ZNF385D: variants seen among roughly 807,000 people sequenced by gnomAD.
The protein encoded by ZNF385D is zinc finger protein 659.
ZNF385D carries 15 observed loss-of-function variants against 35.8 expected under a neutral mutation model. The ratio of observed to expected loss-of-function variants is 0.42; its 90% CI spans 0.28 to 0.64. The LOEUF is 0.64. Among genes scored for constraint, ZNF385D ranks in the 30% least tolerant of loss-of-function variants. The pLI is 0.23. For synonymous variants in ZNF385D, 212 were observed against 186.8 expected, an observed-to-expected ratio of 1.13 and a Z score of -1.10; for missense variants, 474 against 494.6, an observed-to-expected ratio of 0.96 and a Z score of 0.39.
chr3:22,342,515 C>T (rs960665905), intron 2 of ZNF385D, among the ~76,000 whole-genome samples: 3 of 151,974 alleles, frequency 2.0e-5, no homozygotes, highest in Admixed American at 6.6e-5. Flanking sequence ...TATTTAGAAA[C>T]TCATATATAT....
In ZNF385D at chr3:22,118,477, AGGTTGTAG is replaced by A. The variant is rs1702921144; in HGVS notation, c.325+50332_325+50339del. ...ACATGGTTGCTGCATATAGTTTTAC[AGGTTGTAG>A]ACTGTACATCTCCAAAGGGTGTTGC... On this transcript the variant is annotated intron_variant, in intron 3 of 5. Transcript: ENST00000494108. Among the ~76,000 whole-genome samples, 7 of 152,250 alleles carry A rather than the reference AGGTTGTAG, an allele frequency of 4.6e-5. No homozygotes were observed. In the South Asian group the frequency reaches 1.4e-3, roughly 32 times the overall value.
chr3:21,742,946 A>G (rs1281643734), intron 1 of ZNF385D, among the ~76,000 whole-genome samples: 1 of 152,248 alleles, frequency 6.6e-6, no homozygotes, highest in Non-Finnish European at 1.5e-5. Context: ...GAAATAAAGA[A>G]TTAAGCTTAA....
At chr3:21,610,062 C>A (rs62237372) in intron 2 of ZNF385D, among the ~76,000 whole-genome samples, 15,491 of 151,852 alleles carry the variant, frequency 0.1, 1,121 homozygotes, top group East Asian at 0.18. Context: ...GCTGTTATTA[C>A]TTTCTTTAAA....
chr3:22,229,480 T>A (rs1698755010), intron 2 of ZNF385D, among the ~76,000 whole-genome samples: 1 of 152,200 alleles, frequency 6.6e-6, no homozygotes, highest in South Asian at 2.1e-4. Flanking sequence ...TGTTGGCTGT[T>A]TTCCAGATGC....
chr3:22,296,127 T>C (rs1429508420), intron 2 of ZNF385D, among the ~76,000 whole-genome samples: 2 of 152,172 alleles, frequency 1.3e-5, no homozygotes, highest in Admixed American at 6.6e-5. Flanking sequence ...TTTTAGATTA[T>C]TTCATTATGA....
chr3:22,310,321 G>C (rs1434881815), intron 2 of ZNF385D, among the ~76,000 whole-genome samples: 1 of 151,902 alleles, frequency 6.6e-6, no homozygotes, highest in African/African-American at 2.4e-5. Flanking sequence ...AGAATGATAT[G>C]AGCTGTTACA....
Position 22,064,227 on chromosome 3 carries a change from G to T in ZNF385D, c.325+104590C>A, listed in dbSNP as rs180741233. On this transcript the variant is annotated intron_variant, in intron 3 of 5. Coordinates refer to the ZNF385D transcript ENST00000494108. ...CATGACAGTTTGCTCAGGCAATACA[G>T]GGGTAATCCTCTCCGAAGGGGTCAA... Among the ~76,000 whole-genome samples, 56 of 152,292 alleles carry T rather than the reference G, an allele frequency of 3.7e-4. 1 individual carries two copies. The East Asian group carries it at 7.7e-3, about 21-fold the overall frequency.
intron 2 of ZNF385D, among the ~76,000 whole-genome samples, chr3:22,352,776 C>G (rs781760653): frequency 7.2e-5 from 11 of 152,166 alleles, no homozygotes; most frequent in South Asian, 2.1e-4. Context: ...CCACAAACAA[C>G]TATTACGTGT....
chr3:22,121,082 T>C (rs1457553755), intron 3 of ZNF385D, among the ~76,000 whole-genome samples: 3 of 152,232 alleles, frequency 2.0e-5, no homozygotes, highest in Non-Finnish European at 4.4e-5. Context: ...TGCCTGGTTG[T>C]TGCCTACTGT....
At chr3:22,349,938 A>G (rs144536923) in intron 2 of ZNF385D, among the ~76,000 whole-genome samples, 432 of 152,324 alleles carry the variant, frequency 2.8e-3, no homozygotes, top group African/African-American at 0.01. Flanking sequence ...GCAAAAGATT[A>G]CAAGTGTGAA....
chr3:21,799,716 G>T (rs1358278566), intron 3 of ZNF385D, among the ~76,000 whole-genome samples: 1 of 151,882 alleles, frequency 6.6e-6, no homozygotes, highest in African/African-American at 2.4e-5. Context: ...CCTTTCTGTA[G>T]GTTGTATTTC....
At chr3:21,787,235 A>G (rs541024224) in intron 3 of ZNF385D, among the ~76,000 whole-genome samples, 2 of 152,270 alleles carry the variant, frequency 1.3e-5, no homozygotes, top group East Asian at 3.9e-4. Flanking sequence ...GCTCAATGAT[A>G]GAAGGTGTGA....
chr3:21,994,476 T>C (rs1027671418), intron 3 of ZNF385D, among the ~76,000 whole-genome samples: 3 of 152,242 alleles, frequency 2.0e-5, no homozygotes, highest in Non-Finnish European at 2.9e-5. Context: ...CTGTATTCTA[T>C]TGTATCTCAC....
chr3:21,548,370 G>C (rs2062452703), intron 3 of ZNF385D, among the ~76,000 whole-genome samples: 1 of 152,112 alleles, frequency 6.6e-6, no homozygotes, highest in Non-Finnish European at 1.5e-5. Flanking sequence ...GATTTTTAGA[G>C]CCTTCCTAGC....
chr3:21,521,201 T>G (rs1707880160), intron 3 of ZNF385D, among the ~76,000 whole-genome samples: 1 of 152,214 alleles, frequency 6.6e-6, no homozygotes, highest in Admixed American at 6.5e-5. Flanking sequence ...GCCAAATGTT[T>G]TGCCAGTGTT....
At chr3:21,969,352 G>C (rs1703102202) in intron 3 of ZNF385D, among the ~76,000 whole-genome samples, 1 of 152,120 alleles carries the variant, frequency 6.6e-6, no homozygotes, top group African/African-American at 2.4e-5. Context: ...GCTCATGGTA[G>C]GGAGTTCTCA....
intron 4 of ZNF385D, among the ~76,000 whole-genome samples, chr3:21,445,779 T>C (rs141244482): frequency 6.3e-4 from 96 of 152,330 alleles, no homozygotes; most frequent in African/African-American, 2.2e-3. Context: ...GTTGGAGTTA[T>C]ATCCCTGTCA....
At chr3:21,575,578 C>A (rs887256479) in intron 2 of ZNF385D, among the ~76,000 whole-genome samples, 1 of 152,018 alleles carries the variant, frequency 6.6e-6, no homozygotes, top group African/African-American at 2.4e-5. Flanking sequence ...ACTCTTTTTC[C>A]CTGTGCTTTT....
At chr3:21,454,369 AT>A (rs1485004327) in intron 4 of ZNF385D, among the ~76,000 whole-genome samples, 2 of 152,200 alleles carry the variant, frequency 1.3e-5, no homozygotes, top group East Asian at 1.9e-4. Flanking sequence ...TATATCTATA[AT>A]TTTTTAAGCA....
Sources: allele counts gnomAD v4.1 joint callset (sites outside exome capture counted in the v4.1 genomes callset), GRCh38; gene constraint gnomAD v4.1.1; transcripts MANE v1.5; gene names NCBI Gene and HGNC (gene_info 2026-07-23, HGNC 2026-07-21).